Variants in PCDH9 observed in about 807,000 individuals in gnomAD.
The protein encoded by PCDH9 is protocadherin-9.
In PCDH9, 24 loss-of-function variants were observed where a neutral mutation model predicts 70.6. That is an observed-to-expected ratio of 0.34 (90% CI 0.25 to 0.48). The LOEUF (loss-of-function observed/expected upper bound fraction) is 0.48, where lower values mean the gene tolerates loss of function less well. PCDH9 is among the 20% of genes least tolerant of loss of function. PCDH9 has a pLI of 0.99. For missense variants in PCDH9, 1,281 were observed against 1,503.6 expected, an observed-to-expected ratio of 0.85 and a Z score of 2.45; for synonymous variants, 562 against 558.5, an observed-to-expected ratio of 1.01 and a Z score of -0.09.
intron 2 of PCDH9, among the ~76,000 whole-genome samples, chr13:67,003,990 T>C (rs1225874970): frequency 6.6e-6 from 1 of 152,178 alleles, no homozygotes; most frequent in Non-Finnish European, 1.5e-5. Flanking sequence ...CTGATAAATC[T>C]TCTCTATAGT....
intron 2 of PCDH9, among the ~76,000 whole-genome samples, chr13:67,123,624 TG>T (rs2086918231): frequency 6.6e-6 from 1 of 152,178 alleles, no homozygotes; most frequent in Non-Finnish European, 1.5e-5. Flanking sequence ...GAAGAGACTT[TG>T]TGCCTTAAAC....
chr13:67,199,308 GT>G lies in PCDH9; in HGVS notation c.3036+26096del, dbSNP rs906479232. 2.8e-3 allele frequency among the ~76,000 whole-genome samples: 428 copies of G among 150,582 alleles called. 3 individuals carry two copies. The highest frequency in any genetic ancestry group is 8.6e-3 in the African/African-American group (352 of 41,138). On this transcript the variant is annotated intron_variant, in intron 2 of 4. Coordinates refer to ENST00000377865, the MANE Select transcript of PCDH9 (RefSeq NM_203487.3). Reference sequence around the variant, plus strand: ...ATTAAATTGAAGATAAACTAAATTAGTTTTTTTTTATAAAAATATGCTGTTT... The same window carrying G: ...ATTAAATTGAAGATAAACTAAATTAGTTTTTTTTATAAAAATATGCTGTTT...
chr13:66,508,284 T>C (rs1470767476), intron 4 of PCDH9, among the ~76,000 whole-genome samples: 1 of 152,152 alleles, frequency 6.6e-6, no homozygotes, highest in African/African-American at 2.4e-5. Flanking sequence ...AACTGTTTAA[T>C]AGATGTAGGA....
At chr13:67,157,128 T>A (rs2087834135) in intron 2 of PCDH9, among the ~76,000 whole-genome samples, 1 of 152,234 alleles carries the variant, frequency 6.6e-6, no homozygotes, top group South Asian at 2.1e-4. Context: ...ATGCCTAACA[T>A]ATATTGAATT....
At chr13:66,588,637 T>C (rs892177445) in intron 4 of PCDH9, among the ~76,000 whole-genome samples, 1 of 151,992 alleles carries the variant, frequency 6.6e-6, no homozygotes, top group Non-Finnish European at 1.5e-5. Context: ...CAATCTATTA[T>C]ACCTTGTCAT....
intron 2 of PCDH9, among the ~76,000 whole-genome samples, chr13:67,118,237 G>T (rs2086814784): frequency 1.3e-5 from 2 of 152,162 alleles, no homozygotes; most frequent in Non-Finnish European, 1.5e-5. Flanking sequence ...TAGAGTAAAT[G>T]TCCTAGCTTC....
At chr13:67,058,570 G>C (rs150186428) in intron 2 of PCDH9, among the ~76,000 whole-genome samples, 4 of 152,006 alleles carry the variant, frequency 2.6e-5, no homozygotes, top group Non-Finnish European at 5.9e-5. Context: ...TTTTCCTCCC[G>C]CCACAAAAGT....
At chr13:66,677,746 G>T (rs2078263797) in intron 3 of PCDH9, among the ~76,000 whole-genome samples, 1 of 152,062 alleles carries the variant, frequency 6.6e-6, no homozygotes, top group Non-Finnish European at 1.5e-5. Context: ...TTAAGCAGAT[G>T]CCAGCACCAT....
intron 3 of PCDH9, among the ~76,000 whole-genome samples, chr13:66,719,997 C>A (rs1424222821): frequency 6.6e-6 from 1 of 152,090 alleles, no homozygotes. Context: ...ATTAAATATT[C>A]CTTCTACTAC....
chr13:67,144,654 C>G (rs9571720), intron 2 of PCDH9, among the ~76,000 whole-genome samples: 1 of 151,822 alleles, frequency 6.6e-6, no homozygotes, highest in Non-Finnish European at 1.5e-5. Context: ...CTAAAGAATG[C>G]TAATAGAGTG....
chr13:66,652,567 C>A (rs2077868062), intron 3 of PCDH9, among the ~76,000 whole-genome samples: 1 of 150,606 alleles, frequency 6.6e-6, no homozygotes, highest in Non-Finnish European at 1.5e-5. Flanking sequence ...AAGTAATATA[C>A]AAAGTTGGTT....
At chr13:66,820,564 C>T (rs1025046491) in intron 3 of PCDH9, among the ~76,000 whole-genome samples, 10 of 152,100 alleles carry the variant, frequency 6.6e-5, no homozygotes, top group Admixed American at 5.2e-4. Context: ...TTTGTTGCAG[C>T]ACTATTCACA....
chr13:67,206,644 T>TA (rs1421917792), intron 2 of PCDH9: 1 of 152,228 alleles, frequency 6.6e-6, no homozygotes, highest in Non-Finnish European at 1.5e-5. Flanking sequence ...TCTAAATAGA[T>TA]ATGAAGATAT....
At chr13:66,648,664 A>C (rs1287104749) in intron 3 of PCDH9, among the ~76,000 whole-genome samples, 1 of 152,182 alleles carries the variant, frequency 6.6e-6, no homozygotes, top group Admixed American at 6.5e-5. Context: ...CAATGCCCGG[A>C]GACCAACAAA....
intron 2 of PCDH9, among the ~76,000 whole-genome samples, chr13:67,149,223 C>T (rs1289994892): frequency 2.0e-5 from 3 of 152,144 alleles, no homozygotes; most frequent in African/African-American, 7.2e-5. Flanking sequence ...GTCTTGAAAA[C>T]TTTCCTATCA....
intron 4 of PCDH9, among the ~76,000 whole-genome samples, chr13:66,339,983 T>G (rs78268520): frequency 0.017 from 2,640 of 152,238 alleles, 74 homozygotes; most frequent in African/African-American, 0.06. Flanking sequence ...AGCAACTTAC[T>G]GACATGAACT....
intron 3 of PCDH9, among the ~76,000 whole-genome samples, chr13:66,684,698 T>C (rs1360505512): frequency 6.6e-6 from 1 of 152,176 alleles, no homozygotes; most frequent in Non-Finnish European, 1.5e-5. Flanking sequence ...CTTTCCTTTA[T>C]AAATTATCCA....
intron 3 of PCDH9, among the ~76,000 whole-genome samples, chr13:66,637,144 A>T (rs1277996806): frequency 2.6e-5 from 4 of 152,130 alleles, no homozygotes; most frequent in Non-Finnish European, 4.4e-5. Context: ...ATCTTAAATC[A>T]ATGCATGCAC....
chr13:66,775,530 C>G (rs756280930), intron 3 of PCDH9, among the ~76,000 whole-genome samples: 1 of 152,080 alleles, frequency 6.6e-6, no homozygotes, highest in African/African-American at 2.4e-5. Flanking sequence ...AAGACCAACC[C>G]CTCCTCTTTC....
Sources: allele counts gnomAD v4.1 joint callset (sites outside exome capture counted in the v4.1 genomes callset), GRCh38; gene constraint gnomAD v4.1.1; transcripts MANE v1.5; gene names NCBI Gene and HGNC (gene_info 2026-07-23, HGNC 2026-07-21).